The following CNTNAP5 variants were observed in gnomAD, a reference collection of about 807,000 sequenced individuals.
CNTNAP5 encodes contactin-associated protein-like 5.
Under a neutral mutation model 150.2 loss-of-function variants are expected in CNTNAP5, and 72 were observed. That is an observed-to-expected ratio of 0.48 (90% CI 0.40 to 0.58). The LOEUF is 0.58. Ranked by LOEUF, CNTNAP5 falls within the 20% of genes least tolerant of loss-of-function variation. CNTNAP5 has a pLI of 0.00. For synonymous variants in CNTNAP5, 672 were observed against 619.8 expected, an observed-to-expected ratio of 1.08 and a Z score of -1.25; for missense variants, 1,636 against 1,626.2, an observed-to-expected ratio of 1.01 and a Z score of -0.10.
At chr2:124,414,228 A>G (rs1210459706) in intron 3 of CNTNAP5, among the ~76,000 whole-genome samples, 3 of 151,998 alleles carry the variant, frequency 2.0e-5, no homozygotes, top group Non-Finnish European at 4.4e-5. Context: ...AATACATCTA[A>G]CAGGAAGATC....
At chr2:124,514,003 C>T (rs1429117538) in intron 8 of CNTNAP5, among the ~76,000 whole-genome samples, 2 of 152,160 alleles carry the variant, frequency 1.3e-5, no homozygotes, top group East Asian at 1.9e-4. Context: ...TCATTAATGC[C>T]TCGGTATTTG....
At chr2:124,698,819 C>A (rs111611134) in intron 13 of CNTNAP5, among the ~76,000 whole-genome samples, 1 of 152,144 alleles carries the variant, frequency 6.6e-6, no homozygotes, top group South Asian at 2.1e-4. Context: ...TTCCCACCCC[C>A]TAGGCCATTA....
chr2:124,466,878 T>C (rs921475188), intron 6 of CNTNAP5, among the ~76,000 whole-genome samples: 12 of 152,078 alleles, frequency 7.9e-5, no homozygotes, highest in Non-Finnish European at 1.6e-4. Flanking sequence ...TATTCTAGAG[T>C]ATGAATAGAA....
intron 13 of CNTNAP5, among the ~76,000 whole-genome samples, chr2:124,657,175 T>C (rs981034989): frequency 7.2e-5 from 11 of 152,178 alleles, no homozygotes; most frequent in Admixed American, 2.6e-4. Context: ...TCTTCATAGC[T>C]TGGGGGCACA....
intron 3 of CNTNAP5, among the ~76,000 whole-genome samples, chr2:124,273,536 C>A (rs1226160529): frequency 1.3e-5 from 2 of 152,164 alleles, no homozygotes; most frequent in East Asian, 1.9e-4. Flanking sequence ...AGAATCCCTA[C>A]AATTTCCATT....
At chr2:124,438,518 C>T (rs912435863) in intron 5 of CNTNAP5, among the ~76,000 whole-genome samples, 1 of 152,100 alleles carries the variant, frequency 6.6e-6, no homozygotes, top group African/African-American at 2.4e-5. Context: ...ACAGCTGTAG[C>T]AAAGTGAGAC....
At chr2:124,787,929 T>C (rs769988457) in intron 17 of CNTNAP5, among the ~76,000 whole-genome samples, 5 of 152,236 alleles carry the variant, frequency 3.3e-5, no homozygotes, top group African/African-American at 7.2e-5. Flanking sequence ...GAGGCTCAGA[T>C]GAGAGATCCT....
At chr2:124,772,287 C>G (rs1410671636) in intron 16 of CNTNAP5, among the ~76,000 whole-genome samples, 1 of 152,188 alleles carries the variant, frequency 6.6e-6, no homozygotes, top group Non-Finnish European at 1.5e-5. Flanking sequence ...GCAGGTACCG[C>G]CACCTGCAGC....
rs537588154 is a variant in CNTNAP5 at position 124,415,906 on chromosome 2, C to CA, written c.382-1529dup. On this transcript the variant is annotated intron_variant, in intron 3 of 23. Coordinates refer to ENST00000682447, the MANE Select transcript of CNTNAP5 (RefSeq NM_001367498.1). ...GTGAGCCTTTGGATTTCATCTTCAG[C>CA]AAAAAAAACCCCCCAATAATTTTCA... is the stretch of plus-strand genomic sequence containing the variant. Among the ~76,000 whole-genome samples, 16 of 151,560 alleles carry CA rather than the reference C, an allele frequency of 1.1e-4. 1 individual carries two copies. In the East Asian group the frequency reaches 1.2e-3, roughly 11 times the overall value.
In CNTNAP5 at chr2:124,168,823, G is replaced by A. The variant is rs181261169; in HGVS notation, c.83-52882G>A. On this transcript the variant is annotated intron_variant, in intron 1 of 23. Transcript: ENST00000682447. ...GAAATTTTTTTCTCACCAAAACAAA[G>A]CTAAGCATTTATATATTAATACATA... is the stretch of plus-strand genomic sequence containing the variant. Among the ~76,000 whole-genome samples, 50 of 152,008 alleles carry A rather than the reference G, an allele frequency of 3.3e-4. No individual in the cohort carries two copies. In the East Asian group the frequency reaches 8.9e-3, roughly 27 times the overall value.
At chr2:124,405,843 T>C (rs1315164225) in intron 3 of CNTNAP5, among the ~76,000 whole-genome samples, 1 of 152,236 alleles carries the variant, frequency 6.6e-6, no homozygotes, top group East Asian at 1.9e-4. Context: ...AGCACTTTGT[T>C]ACTTTTTATT....
chr2:124,777,078 C>T (rs1312873941), intron 17 of CNTNAP5, among the ~76,000 whole-genome samples: 1 of 151,488 alleles, frequency 6.6e-6, no homozygotes, highest in Non-Finnish European at 1.5e-5. Context: ...CCTGGGACTG[C>T]CTCAGTAGCC....
intron 3 of CNTNAP5, among the ~76,000 whole-genome samples, chr2:124,309,348 C>A (rs887698198): frequency 2.0e-5 from 3 of 151,976 alleles, no homozygotes; most frequent in Non-Finnish European, 2.9e-5. Context: ...ATTTACAGAG[C>A]CTGACATATA....
intron 1 of CNTNAP5, among the ~76,000 whole-genome samples, chr2:124,045,447 A>C (rs1018985738): frequency 3.3e-5 from 5 of 151,616 alleles, no homozygotes; most frequent in Non-Finnish European, 7.4e-5. Context: ...ACAGGTGCCC[A>C]CCACCAGGCC....
Position 124,090,597 on chromosome 2 carries a change from G to A in CNTNAP5, c.82+64865G>A, listed in dbSNP as rs539949342. 2.2e-4 allele frequency among the ~76,000 whole-genome samples: 34 copies of A among 152,224 alleles called. No individual in the cohort carries two copies. In the South Asian group the frequency reaches 5.8e-3, roughly 26 times the overall value. Reference sequence around the variant, plus strand: ...GTTTGAACACACGGTTTTCATGGAAGAAGTAATGATAAATAATATAAGACA... The same window carrying A: ...GTTTGAACACACGGTTTTCATGGAAAAAGTAATGATAAATAATATAAGACA... On this transcript the variant is annotated intron_variant, in intron 1 of 23. Transcript: ENST00000682447.
intron 16 of CNTNAP5, among the ~76,000 whole-genome samples, chr2:124,771,603 C>A (rs1260576029): frequency 2.0e-5 from 3 of 152,112 alleles, no homozygotes; most frequent in African/African-American, 7.2e-5. Flanking sequence ...TGGTGCCTGG[C>A]ATAGAGTTTG....
chr2:124,424,359 A>G (rs1053876705), intron 4 of CNTNAP5, among the ~76,000 whole-genome samples: 1 of 152,164 alleles, frequency 6.6e-6, no homozygotes, highest in African/African-American at 2.4e-5. Flanking sequence ...CAGCCCTCCA[A>G]GTGGGGAGGG....
intron 3 of CNTNAP5, among the ~76,000 whole-genome samples, chr2:124,336,549 G>A (rs1199702479): frequency 7.1e-5 from 8 of 111,958 alleles, no homozygotes; most frequent in African/African-American, 2.2e-4. Flanking sequence ...AACAGTCTCC[G>A]GTGTGTGATG....
At chr2:124,618,362 A>T (rs1460482918) in intron 12 of CNTNAP5, among the ~76,000 whole-genome samples, 1 of 152,166 alleles carries the variant, frequency 6.6e-6, no homozygotes, top group African/African-American at 2.4e-5. Context: ...AGGACAGTGG[A>T]TCTCTCGTAT....
Sources: gnomAD v4.1 joint callset for allele counts (sites outside exome capture counted in the v4.1 genomes callset) on GRCh38, gnomAD v4.1.1 for gene constraint, MANE v1.5 for transcripts, NCBI Gene and HGNC (gene_info 2026-07-23, HGNC 2026-07-21) for gene names.